Variants in PXK observed in about 807,000 individuals in gnomAD.
PXK encodes the protein PX domain containing serine/threonine kinase like, also known as PX domain-containing protein kinase-like protein.
Under a neutral mutation model 84.7 loss-of-function variants are expected in PXK, and 35 were observed. That is an observed-to-expected ratio of 0.41 (90% confidence interval 0.32 to 0.55). The LOEUF (loss-of-function observed/expected upper bound fraction) is 0.55, where lower values mean the gene tolerates loss of function less well. PXK is among the 20% of genes least tolerant of loss of function. PXK has a pLI of 0.21. For synonymous variants in PXK, 253 were observed against 260.8 expected, an observed-to-expected ratio of 0.97 and a Z score of 0.29; for missense variants, 634 against 699.7, an observed-to-expected ratio of 0.91 and a Z score of 1.06.
intron 2 of PXK, among the ~76,000 whole-genome samples, chr3:58,366,520 C>A (rs773625312): frequency 6.6e-6 from 1 of 152,074 alleles, no homozygotes; most frequent in Non-Finnish European, 1.5e-5. Context: ...GGGGCCCTTT[C>A]TTTCCTGTTT....
rs1200504167 is a variant in PXK at position 58,411,979 on chromosome 3, A to G, written c.1466-922A>G. On this transcript the variant is annotated intron_variant, in intron 16 of 17. Transcript: ENST00000356151. The surrounding 1 kb of genome is among the most constrained non-coding windows in gnomAD (Gnocchi z 4.2). ...TGGCCAGTGTCCATGAGACACCAAC[A>G]TGTCCTGTGGGTAGTGAGGGAAGTG... Among the ~76,000 whole-genome samples, 1 of 152,140 alleles carries G rather than the reference A, an allele frequency of 6.6e-6. No homozygotes were observed. Among genetic ancestry groups the G allele is most frequent in the Non-Finnish European group, 1.5e-5 (1 of 68,024 alleles).
intron 1 of PXK, among the ~76,000 whole-genome samples, chr3:58,354,814 A>G (rs1302356147): frequency 2.6e-5 from 4 of 152,054 alleles, no homozygotes; most frequent in African/African-American, 7.2e-5. Flanking sequence ...CAACTGAGGA[A>G]CATTTAAGAC....
At chr3:58,366,611 C>T (rs2098276100) in intron 2 of PXK, among the ~76,000 whole-genome samples, 1 of 152,224 alleles carries the variant, frequency 6.6e-6, no homozygotes, top group Non-Finnish European at 1.5e-5. Context: ...CACAGCCCAG[C>T]TCAAACTTTA....
chr3:58,371,911 C>T (rs143439334), intron 3 of PXK, among the ~76,000 whole-genome samples: 1 of 152,032 alleles, frequency 6.6e-6, no homozygotes, highest in Non-Finnish European at 1.5e-5. Context: ...TAATTTAAAA[C>T]AATATCCATA....
chr3:58,406,667 G>A (rs986248554), intron 13 of PXK, among the ~76,000 whole-genome samples: 8 of 152,046 alleles, frequency 5.3e-5, no homozygotes, highest in Non-Finnish European at 1.2e-4. Context: ...TCACATTATT[G>A]TATAACAGGT....
chr3:58,333,199 A>C lies in PXK; in HGVS notation c.102+109A>C. ...AGGGTCGTCGGACGGAGACCGGGCC[A>C]CAGGGTGGGCGGCCCTGGCCGAGAA... On this transcript the variant is annotated intron_variant, in intron 1 of 17. Transcript: ENST00000356151. This position sits in a 1 kb window ranked among gnomAD's most constrained non-coding sequence, Gnocchi z 5.4. 3.2e-6 allele frequency: 2 copies of C among 624,314 alleles called. No homozygotes were observed. Among genetic ancestry groups the C allele is most frequent in the Non-Finnish European group, 4.0e-6 (2 of 495,940 alleles). 38.7% of individuals were successfully genotyped at this position (624,314 alleles called of 1,614,324 possible).
chr3:58,398,356 C>T lies in PXK; in HGVS notation c.1102+634C>T, dbSNP rs7613723. On this transcript the variant is annotated intron_variant, in intron 11 of 17. Coordinates refer to ENST00000356151, the MANE Select transcript of PXK (RefSeq NM_017771.5). This position sits in a 1 kb window ranked among gnomAD's most constrained non-coding sequence, Gnocchi z 4.5. ...TTGGGAGGTGGAGGTTGCAGTGAGC[C>T]GAGATTGCGCCACTGCACTCCAGCC... 0.3 allele frequency among the ~76,000 whole-genome samples: 45,057 copies of T among 151,930 alleles called. 7,436 individuals are homozygous for T. The highest frequency in any genetic ancestry group is 0.39 in the Middle Eastern group (116 of 294).
In PXK at chr3:58,390,017, A is replaced by T. The variant is rs989944623; in HGVS notation, c.389-565A>T. 6.6e-6 allele frequency among the ~76,000 whole-genome samples: 1 copy of T among 151,138 alleles called. No homozygotes were observed. The highest frequency in any genetic ancestry group is 1.9e-4 in the East Asian group (1 of 5,176). ...TCCGTCTCAAAAAAAAAAAAAAAAA[A>T]AAAAAAACAATTTAGCCAGGCGTGA... On this transcript the variant is annotated intron_variant, in intron 4 of 17. Transcript: ENST00000356151. The surrounding 1 kb of genome is among the most constrained non-coding windows in gnomAD (Gnocchi z 4.2).
In PXK at chr3:58,332,973, G is replaced by GGCC. The variant is rs1199519010; in HGVS notation, c.-14_-12dup. ...CTACCTCGCGTCCCTAGGCGGCGGCGGCCGGGCGTCCCGGGATGGCCTTCA... is the reference window on the plus strand; with the variant it reads ...CTACCTCGCGTCCCTAGGCGGCGGCGGCCGCCGGGCGTCCCGGGATGGCCTTCA... On this transcript the variant is annotated 5_prime_UTR_variant, in exon 1 of 18. Coordinates refer to ENST00000356151, the MANE Select transcript of PXK (RefSeq NM_017771.5). The surrounding 1 kb of genome is among the most constrained non-coding windows in gnomAD (Gnocchi z 5.6). The GGCC allele has an allele frequency of 7.4e-7, 1 of 1,350,986 alleles. No homozygotes were observed. Among genetic ancestry groups the GGCC allele is most frequent in the Non-Finnish European group, 9.6e-7 (1 of 1,038,054 alleles). The allele number at this position is 1,350,986 out of a possible 1,614,324, so 83.7% of individuals were successfully genotyped here.
chr3:58,387,043 C>T (rs1253837363), intron 4 of PXK, among the ~76,000 whole-genome samples: 1 of 152,200 alleles, frequency 6.6e-6, no homozygotes, highest in South Asian at 2.1e-4. Context: ...GACCCTAGCT[C>T]CAGTCCTAGA....
Position 58,409,872 on chromosome 3 carries a change from T to A in PXK, c.1396-218T>A, listed in dbSNP as rs2059942002. ...GGCGTAATGTAATTGGAGGAAACGA[T>A]TGGCCTGAGATAGTAAAGTCAGCAT... On this transcript the variant is annotated intron_variant, in intron 15 of 17. Coordinates refer to ENST00000356151, the MANE Select transcript of PXK (RefSeq NM_017771.5). This position sits in a 1 kb window ranked among gnomAD's most constrained non-coding sequence, Gnocchi z 4.2. Among the ~76,000 whole-genome samples the A allele has an allele frequency of 6.6e-6, 1 of 152,210 alleles. No homozygotes were observed. The highest frequency in any genetic ancestry group is 6.5e-5 in the Admixed American group (1 of 15,292).
intron 1 of PXK, among the ~76,000 whole-genome samples, chr3:58,336,933 C>T (rs889005989): frequency 1.3e-5 from 2 of 152,166 alleles, no homozygotes; most frequent in East Asian, 1.9e-4. Flanking sequence ...CCTCAGCCTC[C>T]CAAGTAGCTG....
At chr3:58,352,082 G>T (rs557613135) in intron 1 of PXK, among the ~76,000 whole-genome samples, 1 of 152,238 alleles carries the variant, frequency 6.6e-6, no homozygotes, top group African/African-American at 2.4e-5. Flanking sequence ...GTTGGGCTTC[G>T]TTCCAGATCT....
intron 1 of PXK, among the ~76,000 whole-genome samples, chr3:58,351,996 T>C (rs7625655): frequency 0.23 from 34,700 of 152,160 alleles, 5,129 homozygotes; most frequent in African/African-American, 0.41. Flanking sequence ...ATATTCACCA[T>C]GACTCTGAAG....
chr3:58,363,467 C>A (rs1213988099), intron 1 of PXK, among the ~76,000 whole-genome samples: 1 of 152,146 alleles, frequency 6.6e-6, no homozygotes, highest in Non-Finnish European at 1.5e-5. Flanking sequence ...GGACTACAGG[C>A]ATGTGCCACT....
rs3922711 is a variant in PXK, at chr3:58,398,516, A to C, written c.1103-783A>C. Among the ~76,000 whole-genome samples the C allele has an allele frequency of 0.25, 38,686 of 152,032 alleles. 6,254 individuals are homozygous for C. The highest frequency in any genetic ancestry group is 0.8 in the East Asian group (4,157 of 5,174). ...AGGCAGGAATGCAGACACCAAGACA[A>C]ATTGGATCCAGGAGCTCTTACAGCA... is the stretch of plus-strand genomic sequence containing the variant. On this transcript the variant is annotated intron_variant, in intron 11 of 17. Transcript: ENST00000356151. The surrounding 1 kb of genome is among the most constrained non-coding windows in gnomAD (Gnocchi z 4.5).
rs1429976143 is a variant in PXK at position 58,397,562 on chromosome 3, G to A, written c.985-43G>A. ...GGGCAGGAGCGCGAGGGTCCACAAA[G>A]CCAAAGTGAAGGGTGAACACGCTGC... On this transcript the variant is annotated intron_variant, in intron 10 of 17. Coordinates refer to ENST00000356151, the MANE Select transcript of PXK (RefSeq NM_017771.5). This position sits in a 1 kb window ranked among gnomAD's most constrained non-coding sequence, Gnocchi z 4.7. 6 of 1,540,594 alleles carry A rather than the reference G, an allele frequency of 3.9e-6. No individual in the cohort carries two copies. The highest frequency in any genetic ancestry group is 5.4e-6 in the Non-Finnish European group (6 of 1,113,472).
Position 58,385,028 on chromosome 3 carries a change from T to C in PXK, c.388+2328T>C, listed in dbSNP as rs966981427. 2.6e-5 allele frequency among the ~76,000 whole-genome samples: 4 copies of C among 152,206 alleles called. No individual in the cohort carries two copies. Among genetic ancestry groups the C allele is most frequent in the African/African-American group, 9.7e-5 (4 of 41,446 alleles). On this transcript the variant is annotated intron_variant, in intron 4 of 17. Coordinates refer to ENST00000356151, the MANE Select transcript of PXK (RefSeq NM_017771.5). The surrounding 1 kb of genome is among the most constrained non-coding windows in gnomAD (Gnocchi z 5.1). ...GTCTGAGTGTTTAAGTTAAAATGCT[T>C]TGTAACTCCTAGAAGGTTGTCTATT...
intron 17 of PXK, among the ~76,000 whole-genome samples, chr3:58,419,995 G>A (rs2061574340): frequency 6.6e-6 from 1 of 152,258 alleles, no homozygotes; most frequent in African/African-American, 2.4e-5. Context: ...CCTTGAGGAT[G>A]CTTGCCCAGG....
Sources: gnomAD v4.1 joint callset for allele counts (sites outside exome capture counted in the v4.1 genomes callset) on GRCh38, gnomAD v4.1.1 for gene constraint, Gnocchi (gnomAD v3.1) non-coding constraint, MANE v1.5 for transcripts, NCBI Gene and HGNC (gene_info 2026-07-23, HGNC 2026-07-21) for gene names.